The following BABAM2 variants were observed in gnomAD, a reference collection of about 807,000 sequenced individuals.
BABAM2 encodes BRISC and BRCA1 A complex member 2.
In BABAM2, 31 loss-of-function variants were observed where a neutral mutation model predicts 54.7. The ratio of observed to expected loss-of-function variants is 0.57; its 90% confidence interval spans 0.43 to 0.77. The LOEUF (loss-of-function observed/expected upper bound fraction) is 0.77, where lower values mean the gene tolerates loss of function less well. Ranked by LOEUF, BABAM2 falls within the 30% of genes least tolerant of loss-of-function variation. The pLI is 0.00. For missense variants in BABAM2, 364 were observed against 455.8 expected (o/e 0.80, Z 1.83); for synonymous variants, 167 against 162.9 (o/e 1.03, Z -0.19).
rs141853309 is a variant in BABAM2 at position 28,070,827 on chromosome 2, T to A, written c.570+25028T>A. On this transcript the variant is annotated intron_variant, in intron 6 of 11. Coordinates refer to ENST00000379624, the MANE Select transcript of BABAM2 (RefSeq NM_199191.3). ...ATTTAATTTGTAAAGTTCATTGAAC[T>A]TTACTCTCAAGTAAAGTTACACTCA... 6.3e-3 allele frequency among the ~76,000 whole-genome samples: 958 copies of A among 152,308 alleles called. 7 individuals carry two copies. The highest frequency in any genetic ancestry group is 7.9e-3 in the Non-Finnish European group (536 of 68,018).
intron 10 of BABAM2, among the ~76,000 whole-genome samples, chr2:28,254,782 C>T (rs1292215489): frequency 7.2e-6 from 1 of 139,824 alleles, no homozygotes; most frequent in Non-Finnish European, 1.5e-5. Flanking sequence ...ACCAGGCCAA[C>T]GTGCAGTAGA....
At chr2:27,934,502 A>G (rs1668349561) in intron 3 of BABAM2, among the ~76,000 whole-genome samples, 2 of 152,222 alleles carry the variant, frequency 1.3e-5, no homozygotes, top group African/African-American at 2.4e-5. Flanking sequence ...GTAACCTTGC[A>G]GTGTCCTCTA....
chr2:27,981,306 A>T (rs1309296844), intron 3 of BABAM2, among the ~76,000 whole-genome samples: 1 of 152,168 alleles, frequency 6.6e-6, no homozygotes, highest in Non-Finnish European at 1.5e-5. Flanking sequence ...AGGTTTTTTT[A>T]AAGTGGGACA....
intron 7 of BABAM2, among the ~76,000 whole-genome samples, chr2:28,203,897 G>T (rs889300401): frequency 9.9e-5 from 15 of 152,128 alleles, no homozygotes; most frequent in Admixed American, 7.9e-4. Context: ...CGGAAAGGCT[G>T]CGCCAGTTTA....
rs1294307452 is a variant in BABAM2 at position 28,184,238 on chromosome 2, G to GTC, written c.681-52953_681-52952dup. Among the ~76,000 whole-genome samples, 53 of 115,746 alleles carry GTC rather than the reference G, an allele frequency of 4.6e-4. No individual in the cohort carries two copies. In the East Asian group the frequency reaches 0.011, roughly 23 times the overall value. 75.9% of individuals were successfully genotyped at this position (115,746 alleles called of 152,430 possible). ...TCTGTCTTTCTGTCTCTGTCTCTGT[G>GTC]TCTCTCTCTCTCCCTCCCTCCCTCC... On this transcript the variant is annotated intron_variant, in intron 7 of 11. Coordinates refer to ENST00000379624, the MANE Select transcript of BABAM2 (RefSeq NM_199191.3).
At chr2:28,155,413 T>C (rs1672452798) in intron 7 of BABAM2, among the ~76,000 whole-genome samples, 1 of 152,152 alleles carries the variant, frequency 6.6e-6, no homozygotes, top group Admixed American at 6.5e-5. Flanking sequence ...CATTTATTCA[T>C]AAATAATTGA....
chr2:28,023,178 G>C (rs1285817212), intron 4 of BABAM2, among the ~76,000 whole-genome samples: 1 of 152,164 alleles, frequency 6.6e-6, no homozygotes, highest in Non-Finnish European at 1.5e-5. Context: ...AGTTGGTAAG[G>C]TATGTTGCCA....
In BABAM2 at chr2:28,158,988, T is replaced by A. The variant is rs139392408; in HGVS notation, c.680+29608T>A. On this transcript the variant is annotated intron_variant, in intron 7 of 11. Coordinates refer to ENST00000379624, the MANE Select transcript of BABAM2 (RefSeq NM_199191.3). ...GAAATTTTACTGGTATGAAAAGCAT[T>A]TTTTGGAACTTTAACATCATCAACA... Among the ~76,000 whole-genome samples, 637 of 152,312 alleles carry A rather than the reference T, an allele frequency of 4.2e-3. 4 individuals are homozygous for A. Among genetic ancestry groups the A allele is most frequent in the African/African-American group, 0.015 (615 of 41,572 alleles).
intron 7 of BABAM2, among the ~76,000 whole-genome samples, chr2:28,209,973 T>C (rs577505485): frequency 3.9e-5 from 6 of 152,322 alleles, no homozygotes; most frequent in Admixed American, 3.3e-4. Context: ...CTTACTCACA[T>C]ACTCTTAACT....
chr2:27,910,520 A>G (rs888495314), intron 2 of BABAM2, among the ~76,000 whole-genome samples: 1 of 152,182 alleles, frequency 6.6e-6, no homozygotes, highest in African/African-American at 2.4e-5. Context: ...ACTAGCACCC[A>G]AAACCCAGAA....
intron 6 of BABAM2, among the ~76,000 whole-genome samples, chr2:28,127,729 A>C (rs2148764832): frequency 6.6e-6 from 1 of 152,218 alleles, no homozygotes; most frequent in East Asian, 1.9e-4. Context: ...AGGATGAAGG[A>C]AAAGAAGGGG....
At chr2:28,012,390 C>T (rs1283953864) in intron 4 of BABAM2, among the ~76,000 whole-genome samples, 1 of 152,184 alleles carries the variant, frequency 6.6e-6, no homozygotes, top group African/African-American at 2.4e-5. Context: ...CACAGCCAAG[C>T]TGGGGCCACA....
chr2:28,320,890 C>T (rs917209248), intron 11 of BABAM2, among the ~76,000 whole-genome samples: 18 of 152,040 alleles, frequency 1.2e-4, no homozygotes, highest in African/African-American at 4.1e-4. Context: ...GTAATGGGAT[C>T]GATTTCATAC....
At chr2:28,292,471 T>C (rs1422855289) in intron 10 of BABAM2, among the ~76,000 whole-genome samples, 1 of 152,216 alleles carries the variant, frequency 6.6e-6, no homozygotes, top group Non-Finnish European at 1.5e-5. Context: ...AAAATAACGT[T>C]TCCTTAGATG....
At chr2:28,122,038 C>T (rs576309758) in intron 6 of BABAM2, among the ~76,000 whole-genome samples, 2 of 152,196 alleles carry the variant, frequency 1.3e-5, no homozygotes, top group Admixed American at 6.5e-5. Context: ...CATGATGAAA[C>T]CCCGTCCCTA....
At position 28,304,564 on chromosome 2, in the gene BABAM2, A is replaced by AT. The variant is rs1287489181; in HGVS notation, c.1088+6076dup. Among the ~76,000 whole-genome samples, 6 of 151,512 alleles carry AT rather than the reference A, an allele frequency of 4.0e-5. No individual in the cohort carries two copies. The highest frequency in any genetic ancestry group is 8.8e-5 in the Non-Finnish European group (6 of 67,892). On this transcript the variant is annotated intron_variant, in intron 11 of 11. Transcript: ENST00000379624. The surrounding 1 kb of genome is among the most constrained non-coding windows in gnomAD (Gnocchi z 4.0). ...AAAATCTAATAGATTTTTTAAATAGATTTCTTATAATTTCTTTTTTCTTTT... is the reference window on the plus strand; with the variant it reads ...AAAATCTAATAGATTTTTTAAATAGATTTTCTTATAATTTCTTTTTTCTTTT...
chr2:28,033,298 A>G (rs1311172759), intron 5 of BABAM2, among the ~76,000 whole-genome samples: 1 of 152,112 alleles, frequency 6.6e-6, no homozygotes, highest in Non-Finnish European at 1.5e-5. Flanking sequence ...GTGTATCAGA[A>G]GAACCAGTGT....
intron 7 of BABAM2, among the ~76,000 whole-genome samples, chr2:28,147,580 T>C (rs992176630): frequency 3.0e-4 from 46 of 152,008 alleles, no homozygotes; most frequent in Non-Finnish European, 3.5e-4. Context: ...TTCATGCCAT[T>C]CTCCTGCCTC....
At position 28,333,140 on chromosome 2, in the gene BABAM2, AG is replaced by A. The variant is rs1273857514; in HGVS notation, c.1089-5308del. ...ACATCTATTGATCATCTCTTATGCC[AG>A]GTACCATGCCAAGCGCTTACCCAGA... On this transcript the variant is annotated intron_variant, in intron 11 of 11. Coordinates refer to ENST00000379624, the MANE Select transcript of BABAM2 (RefSeq NM_199191.3). Among the ~76,000 whole-genome samples the A allele has an allele frequency of 2.0e-5, 3 of 152,012 alleles. No individual in the cohort carries two copies. In the East Asian group the frequency reaches 5.8e-4, roughly 29 times the overall value.
Sources: allele counts gnomAD v4.1 joint callset (sites outside exome capture counted in the v4.1 genomes callset), GRCh38; gene constraint gnomAD v4.1.1; non-coding constraint Gnocchi (gnomAD v3.1); transcripts MANE v1.5; gene names NCBI Gene and HGNC (gene_info 2026-07-23, HGNC 2026-07-21).